RANBP17: variants seen among roughly 807,000 people sequenced by gnomAD.
RANBP17 encodes the protein RAN binding protein 17, also known as ran-binding protein 17.
A neutral mutation model predicts 141.2 loss-of-function variants in RANBP17; 158 were observed. The observed-to-expected ratio is 1.12, with a 90% CI of 0.98 to 1.28. The LOEUF (loss-of-function observed/expected upper bound fraction) is 1.28, where lower values mean the gene tolerates loss of function less well. Ranked by LOEUF, RANBP17 falls within the 50% of genes most tolerant of loss-of-function variation. The pLI, the probability that RANBP17 is intolerant of heterozygous loss-of-function variation, is 0.00. For synonymous variants in RANBP17, 430 were observed against 450.0 expected (o/e 0.96, Z 0.56); for missense variants, 1,438 against 1,290.7 (o/e 1.11, Z -1.75).
At chr5:171,193,450 G>A (rs1164924832) in intron 18 of RANBP17, among the ~76,000 whole-genome samples, 1 of 151,724 alleles carries the variant, frequency 6.6e-6, no homozygotes, top group East Asian at 1.9e-4. Flanking sequence ...GGGGGTGGGG[G>A]TGGTTGGCAA....
At chr5:171,115,299 C>G (rs1400548407) in intron 14 of RANBP17, among the ~76,000 whole-genome samples, 1 of 151,998 alleles carries the variant, frequency 6.6e-6, no homozygotes, top group Non-Finnish European at 1.5e-5. Context: ...AAATTCTACT[C>G]CCATTATGAA....
At chr5:171,164,707 A>T (rs1355857175) in intron 14 of RANBP17, among the ~76,000 whole-genome samples, 1 of 152,206 alleles carries the variant, frequency 6.6e-6, no homozygotes, top group Non-Finnish European at 1.5e-5. Flanking sequence ...ATCACTTTCC[A>T]TATTTCAGGA....
intron 18 of RANBP17, among the ~76,000 whole-genome samples, chr5:171,191,800 C>G (rs918510525): frequency 4.6e-5 from 7 of 152,190 alleles, no homozygotes; most frequent in African/African-American, 1.7e-4. Flanking sequence ...TTTTACTAAA[C>G]TATTACTTCA....
intron 12 of RANBP17, 32 bp from the exon 13 acceptor site, chr5:170,953,565 A>C: frequency 7.0e-7 from 1 of 1,428,556 alleles, no homozygotes; most frequent in Non-Finnish European, 9.8e-7. Flanking sequence ...ATGAATACTT[A>C]CTAAACTTTT....
chr5:170,973,410 CAT>C (rs1777129444), intron 14 of RANBP17, among the ~76,000 whole-genome samples: 1 of 151,974 alleles, frequency 6.6e-6, no homozygotes, highest in Non-Finnish European at 1.5e-5. Context: ...TTTTTTAAGA[CAT>C]AAAAAAGCTA....
intron 14 of RANBP17, among the ~76,000 whole-genome samples, chr5:170,977,033 T>TA (rs1260332507): frequency 6.6e-6 from 1 of 152,108 alleles, no homozygotes; most frequent in Non-Finnish European, 1.5e-5. Context: ...TCAGAGGACA[T>TA]CATCAAGAAA....
chr5:171,244,199 T>C (rs966124307), intron 24 of RANBP17, among the ~76,000 whole-genome samples: 4 of 151,350 alleles, frequency 2.6e-5, no homozygotes, highest in East Asian at 2.0e-4. Context: ...CAAGCCTAGG[T>C]TGGCCAACAT....
At chr5:171,196,176 G>A (rs1298541912) in intron 18 of RANBP17, among the ~76,000 whole-genome samples, 1 of 152,190 alleles carries the variant, frequency 6.6e-6, no homozygotes, top group African/African-American at 2.4e-5. Flanking sequence ...AAAGTGATGT[G>A]GCGGGAGGGG....
intron 13 of RANBP17, among the ~76,000 whole-genome samples, chr5:170,962,307 G>T (rs1776211407): frequency 6.6e-6 from 1 of 152,220 alleles, no homozygotes; most frequent in Admixed American, 6.5e-5. Flanking sequence ...TGGTGGGGAT[G>T]TCATTGCCTC....
At chr5:171,036,591 C>T (rs1293949226) in intron 14 of RANBP17, among the ~76,000 whole-genome samples, 1 of 152,058 alleles carries the variant, frequency 6.6e-6, no homozygotes, top group African/African-American at 2.4e-5. Context: ...GTTTTTCAAC[C>T]CTTTCTCCCT....
At chr5:171,193,647 C>T (rs1761789650) in intron 18 of RANBP17, among the ~76,000 whole-genome samples, 1 of 152,146 alleles carries the variant, frequency 6.6e-6, no homozygotes, top group South Asian at 2.1e-4. Flanking sequence ...GTTCCTTTGC[C>T]TTTTGCGGCT....
At chr5:170,880,537 A>G (rs1768572726) in intron 2 of RANBP17, among the ~76,000 whole-genome samples, 1 of 152,166 alleles carries the variant, frequency 6.6e-6, no homozygotes, top group Non-Finnish European at 1.5e-5. Context: ...CTCATTTTTT[A>G]TATTTGTAAA....
intron 5 of RANBP17, among the ~76,000 whole-genome samples, chr5:170,900,686 T>C (rs1296907132): frequency 3.9e-5 from 6 of 152,220 alleles, no homozygotes; most frequent in Non-Finnish European, 5.9e-5. Flanking sequence ...CTGCTTTAGC[T>C]GTGTCCCAGA....
At chr5:171,241,569 C>G (rs1316823613) in intron 23 of RANBP17, among the ~76,000 whole-genome samples, 1 of 151,982 alleles carries the variant, frequency 6.6e-6, no homozygotes, top group Non-Finnish European at 1.5e-5. Flanking sequence ...CATCTCAAGC[C>G]AAAGAGAGGA....
intron 14 of RANBP17, among the ~76,000 whole-genome samples, chr5:170,977,567 A>G (rs112607162): frequency 2.4e-4 from 37 of 152,238 alleles, no homozygotes; most frequent in African/African-American, 8.4e-4. Context: ...ATTATTTCCA[A>G]TAGCCACAAA....
At chr5:171,186,684 C>G (rs1761281077) in intron 18 of RANBP17, among the ~76,000 whole-genome samples, 2 of 149,392 alleles carry the variant, frequency 1.3e-5, no homozygotes, top group South Asian at 4.3e-4. Flanking sequence ...CTACAGGCGC[C>G]CGCCACTACG....
At chr5:171,128,765 G>C (rs1287133835) in intron 14 of RANBP17, among the ~76,000 whole-genome samples, 1 of 151,598 alleles carries the variant, frequency 6.6e-6, no homozygotes, top group Non-Finnish European at 1.5e-5. Context: ...AATATCATGT[G>C]TACCTCATAA....
chr5:170,936,964 T>C (rs913268255), intron 12 of RANBP17, among the ~76,000 whole-genome samples: 3 of 152,236 alleles, frequency 2.0e-5, no homozygotes, highest in African/African-American at 4.8e-5. Context: ...TGTCTTCTTA[T>C]GCTTACTATT....
At chr5:171,105,771 A>G (rs1030899237) in intron 14 of RANBP17, among the ~76,000 whole-genome samples, 1 of 152,156 alleles carries the variant, frequency 6.6e-6, no homozygotes, top group South Asian at 2.1e-4. Flanking sequence ...GCAAAAGCCT[A>G]TATTTTTAGA....
Sources: gnomAD v4.1 joint callset for allele counts (sites outside exome capture counted in the v4.1 genomes callset) on GRCh38, gnomAD v4.1.1 for gene constraint, MANE v1.5 for transcripts, NCBI Gene and HGNC (gene_info 2026-07-23, HGNC 2026-07-21) for gene names.